The following B4GALT1 variants were observed in gnomAD, a reference collection of about 807,000 sequenced individuals.
B4GALT1 encodes beta-1,4-galactosyltransferase 1.
Under a neutral mutation model 34.9 loss-of-function variants are expected in B4GALT1, and 16 were observed. That is an observed-to-expected ratio of 0.46 (90% confidence interval 0.31 to 0.70). The LOEUF is 0.70. Ranked by LOEUF, B4GALT1 falls within the 30% of genes least tolerant of loss-of-function variation. The pLI is 0.05. For missense variants in B4GALT1, 445 were observed against 530.5 expected (o/e 0.84, Z 1.58); for synonymous variants, 221 against 218.1 (o/e 1.01, Z -0.12).
At chr9:33,108,402 C>T (rs1456838353), downstream of B4GALT1, among the ~76,000 whole-genome samples, 2 of 148,768 alleles carry the variant, frequency 1.3e-5, no homozygotes, top group South Asian at 2.1e-4. Context: ...TGCTTGAAGC[C>T]GGGAGTTTGA....
downstream of B4GALT1, among the ~76,000 whole-genome samples, chr9:33,109,469 G>T (rs1450590787): frequency 1.3e-5 from 2 of 152,212 alleles, no homozygotes; most frequent in East Asian, 1.9e-4. Context: ...CCAAGAAGAG[G>T]CTCATAGAAA....
rs1165112502 is a variant in B4GALT1 at position 33,167,275 on chromosome 9, C to T, written c.-106G>A. On this transcript the variant is annotated 5_prime_UTR_variant, in exon 1 of 6. Transcript: ENST00000379731. ...CCACAGCGGCGACTAGGGGAGGGCCCGGAGCGGGGGCGGGCGAGCGGCTGA... is the reference window on the plus strand; with the variant it reads ...CCACAGCGGCGACTAGGGGAGGGCCTGGAGCGGGGGCGGGCGAGCGGCTGA... 5.1e-6 allele frequency: 7 copies of T among 1,360,838 alleles called. No individual in the cohort carries two copies. The highest frequency in any genetic ancestry group is 6.7e-6 in the Non-Finnish European group (7 of 1,047,260). 84.3% of individuals were successfully genotyped at this position (1,360,838 alleles called of 1,614,324 possible). A position where few individuals can be genotyped will look rare whatever the true frequency, so the allele number is the denominator to read the frequency against.
chr9:33,175,447 A>C, the B4GALT1 span, among the ~76,000 whole-genome samples: 1 of 152,214 alleles, frequency 6.6e-6, no homozygotes, highest in Non-Finnish European at 1.5e-5. Context: ...TACACTGGAA[A>C]TATACACAAA....
intron 1 of B4GALT1, among the ~76,000 whole-genome samples, chr9:33,161,140 C>A (rs1223976384): frequency 6.6e-6 from 1 of 152,122 alleles, no homozygotes. Context: ...ACTTTAAAAT[C>A]ACTGCCAAAG....
At chr9:33,149,035 G>A (rs1199683623) in intron 1 of B4GALT1, among the ~76,000 whole-genome samples, 2 of 151,962 alleles carry the variant, frequency 1.3e-5, no homozygotes, top group African/African-American at 2.4e-5. Context: ...AGGGAAAAAG[G>A]GTAAGCTCTT....
rs1382574885 is a variant in B4GALT1, at chr9:33,133,934, C to T, written c.648+1255G>A. Among the ~76,000 whole-genome samples, 5 of 152,338 alleles carry T rather than the reference C, an allele frequency of 3.3e-5. No individual in the cohort carries two copies. The East Asian group carries it at 9.6e-4, about 29-fold the overall frequency. On this transcript the variant is annotated intron_variant, in intron 2 of 5. Transcript: ENST00000379731. The stretch of plus-strand genomic sequence containing the variant: ...CCCAGCTGAGAAGCCCATCTCCCTG[C>T]AGACTTTAGAACCTAGTTTATATCC...
chr9:33,127,585 C>G lies in B4GALT1; in HGVS notation c.649-6979G>C, dbSNP rs924828125. Among the ~76,000 whole-genome samples, 4 of 152,296 alleles carry G rather than the reference C, an allele frequency of 2.6e-5. No homozygotes were observed. In the South Asian group the frequency reaches 6.2e-4, roughly 24 times the overall value. On this transcript the variant is annotated intron_variant, in intron 2 of 5. Coordinates refer to ENST00000379731, the MANE Select transcript of B4GALT1 (RefSeq NM_001497.4). Reference sequence around the variant, plus strand: ...AAACCAACACAGAATAAACTTCAGACTCCAAGATGTTCATTATGGTATTAC... The same window carrying G: ...AAACCAACACAGAATAAACTTCAGAGTCCAAGATGTTCATTATGGTATTAC...
In B4GALT1 at chr9:33,167,336, C is replaced by T; in HGVS notation, c.-167G>A. The T allele has an allele frequency of 1.1e-6, 1 of 892,066 alleles. No individual in the cohort carries two copies. Among genetic ancestry groups the T allele is most frequent in the Non-Finnish European group, 1.5e-6 (1 of 673,450 alleles). 55.3% of individuals were successfully genotyped at this position (892,066 alleles called of 1,614,324 possible). A position where few individuals can be genotyped will look rare whatever the true frequency, so the allele number is the denominator to read the frequency against. On this transcript the variant is annotated 5_prime_UTR_variant, in exon 1 of 6. Coordinates refer to ENST00000379731, the MANE Select transcript of B4GALT1 (RefSeq NM_001497.4). ...TCCTCCAGCCAGCCAGACCTGGGAG[C>T]GGCGAGAAGCCGCCCGAGGCGCCGG...
intron 2 of B4GALT1, among the ~76,000 whole-genome samples, chr9:33,122,400 G>A (rs947813275): frequency 2.6e-5 from 4 of 152,080 alleles, no homozygotes; most frequent in African/African-American, 9.7e-5. Flanking sequence ...CTAGTACTCT[G>A]GAGGCTGAGG....
rs1435473746 is a variant in B4GALT1, at chr9:33,166,880, C to T, written c.290G>A (p.Gly97Asp). ...PLGASSQPRP[G>D]GDSSPVVDSG... ...ATCCACGACTGGGCTGGAGTCGCCACCCGGGCGCGGCTGGGAGGAGGCGCC... is the reference window on the plus strand; with the variant it reads ...ATCCACGACTGGGCTGGAGTCGCCATCCGGGCGCGGCTGGGAGGAGGCGCC... Residue 97 changes from glycine (G) to aspartate (D), a missense_variant, in exon 1 of 6, where the codon GGT (glycine) becomes GAT (aspartate). Around this residue, in one of 3 missense-constraint regions of B4GALT1, gnomAD observed 349 missense variants for 395.5 expected, o/e 0.88. Coordinates refer to ENST00000379731, the MANE Select transcript of B4GALT1 (RefSeq NM_001497.4). 6.3e-7 allele frequency: 1 copy of T among 1,578,240 alleles called. No homozygotes were observed. Among genetic ancestry groups the T allele is most frequent in the South Asian group, 1.1e-5 (1 of 88,084 alleles).
downstream of B4GALT1, among the ~76,000 whole-genome samples, chr9:33,105,889 T>G (rs922420077): frequency 1.3e-5 from 2 of 148,232 alleles, no homozygotes; most frequent in African/African-American, 5.0e-5. Flanking sequence ...GGTTTTTTTT[T>G]TTTTTTTTTT....
intron 1 of B4GALT1, among the ~76,000 whole-genome samples, chr9:33,151,304 A>C (rs949771058): frequency 3.3e-5 from 5 of 152,192 alleles, no homozygotes; most frequent in Non-Finnish European, 5.9e-5. Flanking sequence ...CCAGTATGTA[A>C]GTAAGTCTCC....
chr9:33,168,707 A>G (rs1840808521), upstream of B4GALT1, among the ~76,000 whole-genome samples: 1 of 152,216 alleles, frequency 6.6e-6, no homozygotes, highest in Non-Finnish European at 1.5e-5. Context: ...CCCCAGCCAT[A>G]GTCCATGATG....
At chr9:33,150,405 T>TAA (rs1462893128) in intron 1 of B4GALT1, among the ~76,000 whole-genome samples, 23 of 107,032 alleles carry the variant, frequency 2.1e-4, no homozygotes, top group Admixed American at 4.1e-4. Flanking sequence ...TCAAACTTTT[T>TAA]AAAAATAAAA....
chr9:33,166,959 C>A lies in B4GALT1; in HGVS notation c.211G>T (p.Gly71Trp). ...GTCCGGAGCTCCCCGGAGGACTGCCCGATGGCGGCGGCACTGTTCGAGCCG... is the reference window on the plus strand; with the variant it reads ...GTCCGGAGCTCCCCGGAGGACTGCCAGATGGCGGCGGCACTGTTCGAGCCG... ...QGGSNSAAAI[G>W]QSSGELRTGG... The change falls in exon 1 of 6, where the codon GGG (glycine) becomes TGG (tryptophan). Residue 71 changes from glycine (G) to tryptophan (W), a missense_variant. Physicochemically the swap from Gly to Trp is radical, Grantham distance 184 (BLOSUM62 -2). Coordinates refer to ENST00000379731, the MANE Select transcript of B4GALT1 (RefSeq NM_001497.4). The A allele has an allele frequency of 6.3e-7, 1 of 1,578,066 alleles. No homozygotes were observed. The highest frequency in any genetic ancestry group is 8.6e-7 in the Non-Finnish European group (1 of 1,169,238).
At chr9:33,184,279 CACACACACAA>C in the B4GALT1 span, among the ~76,000 whole-genome samples, 1 of 151,804 alleles carries the variant, frequency 6.6e-6, no homozygotes. Context: ...CACACACACA[CACACACACAA>C]AAACATAGGA....
intron 2 of B4GALT1, among the ~76,000 whole-genome samples, chr9:33,125,660 G>A (rs572041401): frequency 2.9e-4 from 27 of 93,118 alleles, no homozygotes; most frequent in African/African-American, 6.4e-4. Context: ...GGGGCGGGGC[G>A]AGAGGTTCAG....
chr9:33,105,484 C>T (rs1839789013), intron 2 of B4GALT1, among the ~76,000 whole-genome samples: 1 of 152,178 alleles, frequency 6.6e-6, no homozygotes, highest in African/African-American at 2.4e-5. Context: ...ACTGAAAAGT[C>T]AGTCATCGGG....
At chr9:33,159,106 C>T (rs1402209730) in intron 1 of B4GALT1, among the ~76,000 whole-genome samples, 2 of 152,180 alleles carry the variant, frequency 1.3e-5, no homozygotes, top group African/African-American at 4.8e-5. Context: ...CCCTGAACTC[C>T]ACATCCTTTC....
Sources: gnomAD v4.1 joint callset for allele counts (sites outside exome capture counted in the v4.1 genomes callset) on GRCh38, gnomAD v4.1.1 for gene constraint, gnomAD v4.1.1 regional missense constraint, MANE v1.5 for transcripts, NCBI Gene and HGNC (gene_info 2026-07-23, HGNC 2026-07-21) for gene names.